The following IPO5 variants were observed in gnomAD, a reference collection of about 807,000 sequenced individuals.
IPO5 encodes the protein importin 5.
A neutral mutation model predicts 143.3 loss-of-function variants in IPO5; 18 were observed. The ratio of observed to expected loss-of-function variants is 0.13; its 90% CI spans 0.09 to 0.19. The LOEUF is 0.19. IPO5 is among the 10% of genes least tolerant of loss of function. IPO5 has a pLI of 1.00. For missense variants in IPO5, 1,013 were observed against 1,336.9 expected (o/e 0.76, Z 3.78); for synonymous variants, 477 against 465.7 (o/e 1.02, Z -0.31).
At chr13:97,969,629 A>C in intron 2 of IPO5, 94 bp from the exon 3 acceptor site, 1 of 678,440 alleles carries the variant, frequency 1.5e-6, no homozygotes, top group South Asian at 1.7e-5. Flanking sequence ...ACTGATAAGG[A>C]TTTATTCTTC....
chr13:97,984,230 G>A (rs1273321822), intron 5 of IPO5, among the ~76,000 whole-genome samples: 6 of 151,722 alleles, frequency 4.0e-5, no homozygotes, highest in South Asian at 2.1e-4. Context: ...CGCCCGCCTC[G>A]GCCTCCCAAA....
In IPO5 at chr13:98,022,192, A is replaced by G. The variant is rs1468381524; in HGVS notation, c.*370A>G. ...CTCAGCGTAGATGTGTGTTCACACA[A>G]ATTGCTCTGCATTCAGTGTTCATTG... On this transcript the variant is annotated 3_prime_UTR_variant, in exon 29 of 29. Coordinates refer to ENST00000651721, the MANE Select transcript of IPO5 (RefSeq NM_002271.6). The G allele has an allele frequency of 1.2e-5, 2 of 160,326 alleles. No individual in the cohort carries two copies. The highest frequency in any genetic ancestry group is 2.7e-5 in the Non-Finnish European group (2 of 73,234). 9.9% of individuals were successfully genotyped at this position (160,326 alleles called of 1,614,324 possible).
At chr13:97,962,044 A>C (rs749900575) in intron 2 of IPO5, among the ~76,000 whole-genome samples, 1 of 152,158 alleles carries the variant, frequency 6.6e-6, no homozygotes, top group Non-Finnish European at 1.5e-5. Context: ...CAGGAGAATC[A>C]CTTGAACCTG....
intron 22 of IPO5, among the ~76,000 whole-genome samples, chr13:98,014,424 T>G (rs1889955958): frequency 6.6e-6 from 1 of 152,142 alleles, no homozygotes; most frequent in South Asian, 2.1e-4. Context: ...ATTATAGGCA[T>G]GCACCACCAC....
At chr13:97,990,778 A>G (rs1468716593) in intron 9 of IPO5, among the ~76,000 whole-genome samples, 1 of 152,156 alleles carries the variant, frequency 6.6e-6, no homozygotes, top group African/African-American at 2.4e-5. Flanking sequence ...GTTGTAAGCA[A>G]TTATATGCTT....
chr13:97,989,792 GTTC>G (rs1887672093), intron 7 of IPO5, among the ~76,000 whole-genome samples: 1 of 152,124 alleles, frequency 6.6e-6, no homozygotes, highest in Admixed American at 6.6e-5. Flanking sequence ...GGAGAGCATA[GTTC>G]TTGTAGTTTT....
Position 98,017,241 on chromosome 13 carries a change from C to CATATAT in IPO5, c.2616+401_2616+406dup, listed in dbSNP as rs140562728. Among the ~76,000 whole-genome samples, 453 of 148,162 alleles carry CATATAT rather than the reference C, an allele frequency of 3.1e-3. 12 individuals carry two copies. The East Asian group carries it at 0.072, about 23-fold the overall frequency. On this transcript the variant is annotated intron_variant, in intron 25 of 28. Transcript: ENST00000651721. ...GCAATCATGGATTATGGATAATGGG[C>CATATAT]ATATATATATATATATGTATTTTTT...
In IPO5 at chr13:98,016,776, C is replaced by T. The variant is rs765902623; in HGVS notation, c.2541C>T (p.His847=). 1 of 1,547,254 alleles carries T rather than the reference C, an allele frequency of 6.5e-7. No individual in the cohort carries two copies. The highest frequency in any genetic ancestry group is 8.8e-7 in the Non-Finnish European group (1 of 1,139,396). The change falls in exon 25 of 29, where the codon CAC becomes CAT. Residue 847 remains histidine, a synonymous_variant. Coordinates refer to ENST00000651721, the MANE Select transcript of IPO5 (RefSeq NM_002271.6). ...YILTKVSDIL[H]SIFSSYKEKV... is the part of the protein sequence containing the mutation. ...TGACCAAAGTGTCAGATATTTTACA[C>T]TCAATATTCAGTAGCTACAAAGAAA...
At position 98,019,785 on chromosome 13, in the gene IPO5, A is replaced by T; in HGVS notation, c.3041A>T (p.Asn1014Ile). 1 of 1,612,634 alleles carries T rather than the reference A, an allele frequency of 6.2e-7. No homozygotes were observed. The highest frequency in any genetic ancestry group is 1.3e-5 in the African/African-American group (1 of 75,014). Residue 1014 changes from asparagine to isoleucine, a missense_variant, in exon 27 of 29, where the codon AAT becomes ATT. By Grantham distance (149) the Asn-to-Ile change is moderately radical (BLOSUM62 -3). Around this residue, in one of 2 missense-constraint regions of IPO5, gnomAD observed 685 missense variants for 994.9 expected, o/e 0.69. Coordinates refer to ENST00000651721, the MANE Select transcript of IPO5 (RefSeq NM_002271.6). ...AAAGAAGAAGCTGTTCAGACTTTCA[A>T]TTATCTGTGTGACCTGATTGAAAGG... ...EDKEEAVQTF[N>I]YLCDLIESNH...
At chr13:98,012,473 G>C in intron 21 of IPO5, 131 bp downstream of exon 21, 1 of 635,170 alleles carries the variant, frequency 1.6e-6, no homozygotes. Context: ...GTACTCTTAG[G>C]TGATAAACTC....
At chr13:98,014,432 C>A (rs1889956570) in intron 22 of IPO5, among the ~76,000 whole-genome samples, 1 of 152,096 alleles carries the variant, frequency 6.6e-6, no homozygotes, top group African/African-American at 2.4e-5. Context: ...CATGCACCAC[C>A]ACACCTGGCT....
At position 98,002,205 on chromosome 13, in the gene IPO5, C is replaced by T. The variant is rs181999499; in HGVS notation, c.1109-262C>T. 1,748 of 210,930 alleles carry T rather than the reference C, an allele frequency of 8.3e-3. 11 individuals carry two copies. The highest frequency in any genetic ancestry group is 0.012 in the Non-Finnish European group (1,304 of 107,778). The allele number at this position is 210,930 out of a possible 1,614,324, so 13.1% of individuals were successfully genotyped here. A position where few individuals can be genotyped will look rare whatever the true frequency, so the allele number is the denominator to read the frequency against. On this transcript the variant is annotated intron_variant, in intron 13 of 28. Transcript: ENST00000651721. ...AATTTTTTGTATTTTTAAGTAGAGA[C>T]GGGGTTTCACCACGTTAACCAGGAT...
intron 4 of IPO5, 48 bp from the exon 5 acceptor site, chr13:97,982,455 T>C (rs763900362): frequency 2.4e-6 from 3 of 1,254,116 alleles, no homozygotes; most frequent in East Asian, 2.3e-5. Flanking sequence ...GGTTTACTCA[T>C]GAAGTTTCCT....
chr13:97,995,212 T>G (rs752238683), intron 11 of IPO5, among the ~76,000 whole-genome samples: 1 of 151,182 alleles, frequency 6.6e-6, no homozygotes, highest in Non-Finnish European at 1.5e-5. Context: ...AATAGGTTTA[T>G]GGGGAACAGG....
chr13:97,995,241 T>C (rs7337834), intron 11 of IPO5, among the ~76,000 whole-genome samples: 14,604 of 148,430 alleles, frequency 0.098, 1,836 homozygotes, highest in African/African-American at 0.29. Context: ...GGTTTAGTGG[T>C]GATTTCTGTG....
intron 3 of IPO5, among the ~76,000 whole-genome samples, chr13:97,970,167 G>GT (rs753657515): frequency 6.6e-6 from 1 of 151,832 alleles, no homozygotes; most frequent in East Asian, 1.9e-4. Flanking sequence ...TTTTTAACAA[G>GT]TAAAAAAAAG....
At chr13:97,981,592 T>C (rs1483175345) in intron 4 of IPO5, among the ~76,000 whole-genome samples, 2 of 152,186 alleles carry the variant, frequency 1.3e-5, no homozygotes, top group Non-Finnish European at 2.9e-5. Flanking sequence ...TCTAAAGAAA[T>C]CAATGTTACC....
chr13:98,020,953 A>C (rs761654398), intron 27 of IPO5, 39 bp from the exon 28 acceptor site: 4 of 1,545,290 alleles, frequency 2.6e-6, no homozygotes, highest in Non-Finnish European at 3.5e-6. Context: ...ATTTCTCCTT[A>C]TAAATTTCAC....
At chr13:97,986,597 A>G (rs991296923) in intron 6 of IPO5, among the ~76,000 whole-genome samples, 1 of 152,042 alleles carries the variant, frequency 6.6e-6, no homozygotes, top group Non-Finnish European at 1.5e-5. Flanking sequence ...TGATCTGCCC[A>G]TCTCGGCCTC....
Sources: gnomAD v4.1 joint callset for allele counts (sites outside exome capture counted in the v4.1 genomes callset) on GRCh38, gnomAD v4.1.1 for gene constraint, gnomAD v4.1.1 regional missense constraint, MANE v1.5 for transcripts, NCBI Gene and HGNC (gene_info 2026-07-23, HGNC 2026-07-21) for gene names.